CARS1: variants seen among roughly 807,000 people sequenced by gnomAD.
The protein encoded by CARS1 is cysteinyl-tRNA synthetase 1.
A neutral mutation model predicts 106.2 loss-of-function variants in CARS1; 48 were observed. That is an observed-to-expected ratio of 0.45 (90% CI 0.36 to 0.57). The LOEUF is 0.57. Ranked by LOEUF, CARS1 falls within the 20% of genes least tolerant of loss-of-function variation. The probability of loss-of-function intolerance (pLI) is 0.00; values close to 1 mark genes in which losing one functional copy is unlikely to be tolerated. For synonymous variants in CARS1, 409 were observed against 403.4 expected (o/e 1.01, Z -0.17); for missense variants, 968 against 1,057.2 (o/e 0.92, Z 1.17).
rs1448390054 is a variant in CARS1 at position 3,045,604 on chromosome 11, GAC to G, written c.274+2147_274+2148del. 1.3e-5 allele frequency among the ~76,000 whole-genome samples: 2 copies of G among 151,822 alleles called. No individual in the cohort carries two copies. Among genetic ancestry groups the G allele is most frequent in the African/African-American group, 4.8e-5 (2 of 41,330 alleles). On this transcript the variant is annotated intron_variant, in intron 2 of 22. Transcript: ENST00000380525. The surrounding 1 kb of genome is among the most constrained non-coding windows in gnomAD (Gnocchi z 5.6). Reference sequence around the variant, plus strand: ...ATGTCTGAGAGGATCTTGGAGACAGGACACAGAAGGCACATGGGAGGAGCTGG... The same window carrying G: ...ATGTCTGAGAGGATCTTGGAGACAGGACAGAAGGCACATGGGAGGAGCTGG...
In CARS1 at chr11:3,046,199, CCCTT is replaced by C. The variant is rs1855059201; in HGVS notation, c.274+1550_274+1553del. ...TTAAAAAGTGTTTGCAAGAGCAAAACCCTTCCTTCCTCTCACAGTGTGGATGGAG... is the reference window on the plus strand; with the variant it reads ...TTAAAAAGTGTTTGCAAGAGCAAAACCCTTCCTCTCACAGTGTGGATGGAG... On this transcript the variant is annotated intron_variant, in intron 2 of 22. Transcript: ENST00000380525. This position sits in a 1 kb window ranked among gnomAD's most constrained non-coding sequence, Gnocchi z 5.8. 6.6e-6 allele frequency among the ~76,000 whole-genome samples: 1 copy of C among 152,212 alleles called. No individual in the cohort carries two copies. The highest frequency in any genetic ancestry group is 1.5e-5 in the Non-Finnish European group (1 of 68,034).
chr11:3,019,013 C>T lies in CARS1; in HGVS notation c.1395+126G>A, dbSNP rs1851308416. The T allele has an allele frequency of 4.1e-6, 5 of 1,205,184 alleles. No homozygotes were observed. Among genetic ancestry groups the T allele is most frequent in the Non-Finnish European group, 5.8e-6 (5 of 865,734 alleles). The allele number at this position is 1,205,184 out of a possible 1,614,324, so 74.7% of individuals were successfully genotyped here. A position where few individuals can be genotyped will look rare whatever the true frequency, so the allele number is the denominator to read the frequency against. The stretch of plus-strand genomic sequence containing the variant: ...ATGATCAGGGTTCAGATTCCACCCA[C>T]AAGCCCCGATGAAGGTGTCAAGTTC... On this transcript the variant is annotated intron_variant, in intron 12 of 22. Transcript: ENST00000380525. The surrounding 1 kb of genome is among the most constrained non-coding windows in gnomAD (Gnocchi z 6.2).
Position 3,047,816 on chromosome 11 carries a change from T to C in CARS1, c.211A>G (p.Arg71Gly). The C allele has an allele frequency of 6.2e-7, 1 of 1,614,070 alleles. No individual in the cohort carries two copies. The highest frequency in any genetic ancestry group is 8.5e-7 in the Non-Finnish European group (1 of 1,179,996). ...PQLFHVARWF[R>G]HIEALLGSPC... ...CTACCCAGGAGCGCTTCTATGTGCCTGAACCACCGAGCCACGTGGAAGAGC... is the reference window on the plus strand; with the variant it reads ...CTACCCAGGAGCGCTTCTATGTGCCCGAACCACCGAGCCACGTGGAAGAGC... Residue 71 changes from arginine to glycine, a missense_variant, in exon 2 of 23, where the codon AGG becomes GGG. Physicochemically the swap from Arg to Gly is moderately radical, Grantham distance 125. Transcript: ENST00000380525.
chr11:3,007,012 C>A, intron 18 of CARS1, 53 bp from the exon 19 acceptor site: 1 of 1,391,654 alleles, frequency 7.2e-7, no homozygotes, highest in Non-Finnish European at 1.0e-6. Context: ...AGGGCCCACA[C>A]AACCAGTGCC....
chr11:3,017,796 G>T lies in CARS1; in HGVS notation c.1727+61C>A. The T allele has an allele frequency of 9.1e-7, 1 of 1,104,840 alleles. No individual in the cohort carries two copies. Among genetic ancestry groups the T allele is most frequent in the Non-Finnish European group, 1.4e-6 (1 of 719,616 alleles). The allele number at this position is 1,104,840 out of a possible 1,614,324, so 68.4% of individuals were successfully genotyped here. On this transcript the variant is annotated intron_variant, in intron 15 of 22. Coordinates refer to ENST00000380525, the MANE Select transcript of CARS1 (RefSeq NM_001014437.3). The surrounding 1 kb of genome is among the most constrained non-coding windows in gnomAD (Gnocchi z 4.9). ...GTCCAGGACACATGGTGGCCAAGATGCGAGGCTAGGCATAGAACATGGGCA... is the reference window on the plus strand; with the variant it reads ...GTCCAGGACACATGGTGGCCAAGATTCGAGGCTAGGCATAGAACATGGGCA...
At chr11:3,015,698 G>C in intron 17 of CARS1, 83 bp downstream of exon 17, 1 of 1,210,228 alleles carries the variant, frequency 8.3e-7, no homozygotes, top group South Asian at 1.2e-5. Flanking sequence ...GGCAGACAGA[G>C]GAGGGGCAGT....
chr11:3,015,863 C>A lies in CARS1; in HGVS notation c.1918-14G>T. Reference sequence around the variant, plus strand: ...GGCCCCAAAGATCTAGGAAAAGAAACAGATGGGACCTGAAGCTGCGGCAAG... The same window carrying A: ...GGCCCCAAAGATCTAGGAAAAGAAAAAGATGGGACCTGAAGCTGCGGCAAG... On this transcript the variant is annotated splice_polypyrimidine_tract_variant and intron_variant, in intron 16 of 22. Transcript: ENST00000380525. 2 of 1,611,662 alleles carry A rather than the reference C, an allele frequency of 1.2e-6. No individual in the cohort carries two copies. Among genetic ancestry groups the A allele is most frequent in the Non-Finnish European group, 1.7e-6 (2 of 1,177,836 alleles).
At position 3,039,931 on chromosome 11, in the gene CARS1, C is replaced by T. The variant is rs577001867; in HGVS notation, c.456G>A (p.Arg152=). The T allele has an allele frequency of 1.6e-5, 25 of 1,535,336 alleles. No individual in the cohort carries two copies. Among genetic ancestry groups the T allele is most frequent in the Middle Eastern group, 1.7e-4 (1 of 5,892 alleles). ...TCAAGATATCAAAAGAGATGTAGGA[C>T]CTAAAGCAATGAAAAAACAAACATT... ...VYDASHMGHA[R]SYISFDILRR... The change falls in exon 5 of 23, where the codon AGG becomes AGA. Residue 152 remains arginine, a splice_region_variant and synonymous_variant. Transcript: ENST00000380525. The surrounding 1 kb of genome is among the most constrained non-coding windows in gnomAD (Gnocchi z 5.6).
Position 3,039,367 on chromosome 11 carries a change from C to A in CARS1, c.553-75G>T, listed in dbSNP as rs1854120707. 9.7e-6 allele frequency: 9 copies of A among 925,488 alleles called. No individual in the cohort carries two copies. In the Admixed American group the frequency reaches 1.4e-4, roughly 15 times the overall value. 57.3% of individuals were successfully genotyped at this position (925,488 alleles called of 1,614,324 possible). A position where few individuals can be genotyped will look rare whatever the true frequency, so the allele number is the denominator to read the frequency against. ...ATCCCTCTGCAGCAGGCCACTCTCT[C>A]CCTTGGCCAACTCTAAGTGAGGGTG... On this transcript the variant is annotated intron_variant, in intron 5 of 22. Transcript: ENST00000380525. This position sits in a 1 kb window ranked among gnomAD's most constrained non-coding sequence, Gnocchi z 5.6.
In CARS1 at chr11:3,045,743, A is replaced by C. The variant is rs929428030; in HGVS notation, c.274+2010T>G. Reference sequence around the variant, plus strand: ...GGGGCACATGGCCCACTGTGCCAGCAAGGAAGGTGCATGCTTGGGGAGTAT... The same window carrying C: ...GGGGCACATGGCCCACTGTGCCAGCCAGGAAGGTGCATGCTTGGGGAGTAT... On this transcript the variant is annotated intron_variant, in intron 2 of 22. Coordinates refer to ENST00000380525, the MANE Select transcript of CARS1 (RefSeq NM_001014437.3). The surrounding 1 kb of genome is among the most constrained non-coding windows in gnomAD (Gnocchi z 5.6). Among the ~76,000 whole-genome samples the C allele has an allele frequency of 6.6e-6, 1 of 152,204 alleles. No homozygotes were observed. Among genetic ancestry groups the C allele is most frequent in the African/African-American group, 2.4e-5 (1 of 41,440 alleles).
chr11:3,038,492 T>C lies in CARS1; in HGVS notation c.652-293A>G, dbSNP rs1165196420. The stretch of plus-strand genomic sequence containing the variant: ...GAGAGCAGTATTTCTAGGGCTGTTC[T>C]GGGGATGAGGAAAAGTAGGCCACCC... On this transcript the variant is annotated intron_variant, in intron 6 of 22. Coordinates refer to ENST00000380525, the MANE Select transcript of CARS1 (RefSeq NM_001014437.3). The surrounding 1 kb of genome is among the most constrained non-coding windows in gnomAD (Gnocchi z 4.0). Among the ~76,000 whole-genome samples, 1 of 152,192 alleles carries C rather than the reference T, an allele frequency of 6.6e-6. No individual in the cohort carries two copies. The highest frequency in any genetic ancestry group is 1.9e-4 in the East Asian group (1 of 5,196).
At chr11:3,055,313 G>A (rs979631696) in intron 1 of CARS1, among the ~76,000 whole-genome samples, 17 of 152,160 alleles carry the variant, frequency 1.1e-4, no homozygotes, top group African/African-American at 3.1e-4. Context: ...CACCGCGCCC[G>A]GCTAATTTTT....
Position 3,017,014 on chromosome 11 carries a change from G to T in CARS1, c.1917+92C>A, listed in dbSNP as rs1048134777. The T allele has an allele frequency of 5.6e-6, 6 of 1,071,960 alleles. No homozygotes were observed. The highest frequency in any genetic ancestry group is 6.8e-6 in the Non-Finnish European group (5 of 740,634). 66.4% of individuals were successfully genotyped at this position (1,071,960 alleles called of 1,614,324 possible). A position where few individuals can be genotyped will look rare whatever the true frequency, so the allele number is the denominator to read the frequency against. Reference sequence around the variant, plus strand: ...TGCTGGGCACCAGGCACAGCACTGGGGGGCACCAGAGGCCTCTGTTCTCCC... The same window carrying T: ...TGCTGGGCACCAGGCACAGCACTGGTGGGCACCAGAGGCCTCTGTTCTCCC... On this transcript the variant is annotated intron_variant, in intron 16 of 22. Coordinates refer to ENST00000380525, the MANE Select transcript of CARS1 (RefSeq NM_001014437.3). The surrounding 1 kb of genome is among the most constrained non-coding windows in gnomAD (Gnocchi z 4.9).
Position 3,043,747 on chromosome 11 carries a change from A to G in CARS1, c.275-1491T>C, listed in dbSNP as rs373320226. Among the ~76,000 whole-genome samples the G allele has an allele frequency of 1.6e-4, 25 of 152,194 alleles. No individual in the cohort carries two copies. The highest frequency in any genetic ancestry group is 5.5e-4 in the African/African-American group (23 of 41,514). On this transcript the variant is annotated intron_variant, in intron 2 of 22. Coordinates refer to ENST00000380525, the MANE Select transcript of CARS1 (RefSeq NM_001014437.3). The surrounding 1 kb of genome is among the most constrained non-coding windows in gnomAD (Gnocchi z 4.0). ...GCCTCCCGGCTCTAGCTCAGGCCAC[A>G]CGAGCCAGGACGGCAGACGCTGATG...
At chr11:3,014,807 T>C (rs1850830464) in intron 17 of CARS1, among the ~76,000 whole-genome samples, 1 of 152,228 alleles carries the variant, frequency 6.6e-6, no homozygotes, top group African/African-American at 2.4e-5. Flanking sequence ...CGGACTGTTT[T>C]CTCTTTGCAA....
chr11:3,036,177 T>C (rs1319164741), intron 7 of CARS1, among the ~76,000 whole-genome samples: 3 of 152,242 alleles, frequency 2.0e-5, no homozygotes, highest in East Asian at 1.9e-4. Context: ...AGCCTGCCCA[T>C]GGATGATTGA....
chr11:3,019,115 C>T lies in CARS1; in HGVS notation c.1395+24G>A, dbSNP rs767326189. On this transcript the variant is annotated intron_variant, in intron 12 of 22. Coordinates refer to ENST00000380525, the MANE Select transcript of CARS1 (RefSeq NM_001014437.3). This position sits in a 1 kb window ranked among gnomAD's most constrained non-coding sequence, Gnocchi z 6.2. ...ATGAACACTGTGCTCTTGCACCTGA[C>T]AAGGGGACTCTGTTTTCACCTACCT... 1.3e-6 allele frequency: 2 copies of T among 1,501,002 alleles called. No individual in the cohort carries two copies. The highest frequency in any genetic ancestry group is 4.8e-5 in the East Asian group (2 of 41,578). The allele number at this position is 1,501,002 out of a possible 1,614,324, so 93.0% of individuals were successfully genotyped here. A position where few individuals can be genotyped will look rare whatever the true frequency, so the allele number is the denominator to read the frequency against.
At chr11:3,014,956 G>T (rs1850844025) in intron 17 of CARS1, among the ~76,000 whole-genome samples, 1 of 152,242 alleles carries the variant, frequency 6.6e-6, no homozygotes, top group Admixed American at 6.5e-5. Flanking sequence ...AATTACAGTT[G>T]TTCTATTTAA....
At chr11:3,006,731 T>C in intron 19 of CARS1, 148 bp downstream of exon 19, 1 of 728,504 alleles carries the variant, frequency 1.4e-6, no homozygotes, top group Non-Finnish European at 2.5e-6. Flanking sequence ...AGCGTGGGAA[T>C]GGCGCCGGGG....
Sources: gnomAD v4.1 joint callset for allele counts (sites outside exome capture counted in the v4.1 genomes callset) on GRCh38, gnomAD v4.1.1 for gene constraint, Gnocchi (gnomAD v3.1) non-coding constraint, MANE v1.5 for transcripts, NCBI Gene and HGNC (gene_info 2026-07-23, HGNC 2026-07-21) for gene names.